The following SHROOM2 variants were observed in gnomAD, a reference collection of about 807,000 sequenced individuals.
The protein encoded by SHROOM2 is protein Shroom2.
A neutral mutation model predicts 75.9 loss-of-function variants in SHROOM2; 33 were observed. That is an observed-to-expected ratio of 0.43 (90% CI 0.33 to 0.58). SHROOM2 has a LOEUF of 0.58. Ranked by LOEUF, SHROOM2 falls within the 20% of genes least tolerant of loss-of-function variation. The pLI is 0.04. For synonymous variants in SHROOM2, 655 were observed against 663.6 expected, an observed-to-expected ratio of 0.99 and a Z score of 0.20; for missense variants, 1,434 against 1,461.2, an observed-to-expected ratio of 0.98 and a Z score of 0.30.
chrX:9,814,605 A>G (rs2083809049), intron 1 of SHROOM2, among the ~76,000 whole-genome samples: 1 of 111,271 alleles, frequency 9.0e-6, no homozygotes, highest in Non-Finnish European at 1.9e-5. Context: ...AGGGGAGGCC[A>G]TCACTGTTGC....
chrX:9,881,550 T>C (rs1412202746), intron 2 of SHROOM2, among the ~76,000 whole-genome samples: 3 of 112,299 alleles, frequency 2.7e-5, no homozygotes, highest in African/African-American at 9.7e-5. Flanking sequence ...TGCAGTGGTA[T>C]TTAATAGTTC....
intron 2 of SHROOM2, 107 bp from the exon 3 acceptor site, chrX:9,890,870 C>A: frequency 1.2e-6 from 1 of 822,683 alleles, no homozygotes; most frequent in Non-Finnish European, 1.7e-6. Context: ...CTGTTTGGCA[C>A]GAGCGTGTGC....
At chrX:9,871,322 G>A (rs769472018) in intron 1 of SHROOM2, among the ~76,000 whole-genome samples, 5 of 111,987 alleles carry the variant, frequency 4.5e-5, no homozygotes, top group African/African-American at 9.7e-5. Flanking sequence ...AACAGATAGC[G>A]CCCTTCATCT....
intron 5 of SHROOM2, among the ~76,000 whole-genome samples, chrX:9,927,106 T>TG (rs890092318): frequency 2.7e-5 from 3 of 110,567 alleles, no homozygotes; most frequent in African/African-American, 9.9e-5. Flanking sequence ...CCCAGCACTT[T>TG]GGGAGGCCAA....
In SHROOM2 at chrX:9,937,234, G is replaced by A. The variant is rs755981514; in HGVS notation, c.3688G>A (p.Ala1230Thr). 1 of 1,206,035 alleles carries A rather than the reference G, an allele frequency of 8.3e-7. No homozygotes were observed. The highest frequency in any genetic ancestry group is 1.7e-5 in the African/African-American group (1 of 57,432). ...AGAGAAGGAGAGCCGCCAGAGCCTG[G>A]CATGCCCCGCCGAGCCACCTGCCCT... is the stretch of plus-strand genomic sequence containing the variant. ...QPEKESRQSL[A>T]CPAEPPALPH... Residue 1230 changes from alanine (A) to threonine (T), a missense_variant, in exon 7 of 10, where the codon GCA (alanine) becomes ACA (threonine). Physicochemically the swap from Ala to Thr is moderately conservative, Grantham distance 58. Transcript: ENST00000380913.
intron 5 of SHROOM2, among the ~76,000 whole-genome samples, chrX:9,917,345 CT>C (rs900190850): frequency 8.9e-6 from 1 of 111,861 alleles, no homozygotes; most frequent in African/African-American, 3.3e-5. Flanking sequence ...CATTTTGATA[CT>C]CAAGTTGTGT....
At chrX:9,855,164 G>C (rs2084649142) in intron 1 of SHROOM2, among the ~76,000 whole-genome samples, 2 of 107,346 alleles carry the variant, frequency 1.9e-5, no homozygotes, top group Admixed American at 2.0e-4. Context: ...GTTGGGGGTA[G>C]AGGGATAACA....
Position 9,895,549 on chromosome X carries a change from G to A in SHROOM2, c.1641G>A (p.Ala547=), listed in dbSNP as rs754693285. 13 of 1,179,224 alleles carry A rather than the reference G, an allele frequency of 1.1e-5. No homozygotes were observed. The East Asian group carries it at 2.2e-4, about 20-fold the overall frequency. Residue 547 remains alanine (A), a synonymous_variant, in exon 4 of 10, where the codon GCG becomes GCA. Coordinates refer to ENST00000380913, the MANE Select transcript of SHROOM2 (RefSeq NM_001649.4). Reference sequence around the variant, plus strand: ...ACAAAGGGGCCGAGGGCTGCTCCGCGGGAGCCCAGGAGCCTCCCAGGGCCA... The same window carrying A: ...ACAAAGGGGCCGAGGGCTGCTCCGCAGGAGCCCAGGAGCCTCCCAGGGCCA... ...PLDKGAEGCS[A]GAQEPPRASR... is the part of the protein sequence containing the mutation.
At chrX:9,844,739 C>T (rs1164258701) in intron 1 of SHROOM2, among the ~76,000 whole-genome samples, 1 of 110,400 alleles carries the variant, frequency 9.1e-6, no homozygotes, top group Non-Finnish European at 1.9e-5. Flanking sequence ...GGCTTGAACC[C>T]GGGAGGCAAA....
At chrX:9,837,305 C>A (rs989804364) in intron 1 of SHROOM2, among the ~76,000 whole-genome samples, 1 of 112,603 alleles carries the variant, frequency 8.9e-6, no homozygotes, top group Non-Finnish European at 1.9e-5. Flanking sequence ...TAGGATTGTT[C>A]AAAAAATCTA....
intron 1 of SHROOM2, among the ~76,000 whole-genome samples, chrX:9,831,678 A>G (rs1333168722): frequency 9.0e-6 from 1 of 111,409 alleles, no homozygotes; most frequent in African/African-American, 3.3e-5. Context: ...CAAACAAACA[A>G]AAGCAACAGA....
intron 1 of SHROOM2, among the ~76,000 whole-genome samples, chrX:9,793,035 G>A (rs964255660): frequency 9.1e-6 from 1 of 110,308 alleles, no homozygotes; most frequent in African/African-American, 3.3e-5. Context: ...TCTTTTATGA[G>A]GTTTTATTTT....
At chrX:9,822,801 CAGGAGG>C (rs769950350) in intron 1 of SHROOM2, among the ~76,000 whole-genome samples, 2 of 111,241 alleles carry the variant, frequency 1.8e-5, no homozygotes, top group African/African-American at 6.5e-5. Context: ...TGCTTAGTGC[CAGGAGG>C]AGGAGGAGGA....
chrX:9,888,595 C>T (rs1033430485), intron 2 of SHROOM2, among the ~76,000 whole-genome samples: 2 of 111,124 alleles, frequency 1.8e-5, no homozygotes, highest in African/African-American at 3.3e-5. Context: ...AGATGCGCGC[C>T]ACCACGCCCG....
chrX:9,811,581 T>C (rs112176888), intron 1 of SHROOM2, among the ~76,000 whole-genome samples: 13 of 112,074 alleles, frequency 1.2e-4, no homozygotes, highest in African/African-American at 3.6e-4. Context: ...ATTCAGCCCA[T>C]GAATCAGTAT....
At chrX:9,932,904 G>A (rs764903821) in intron 6 of SHROOM2, 34 bp downstream of exon 6, 4 of 1,110,950 alleles carry the variant, frequency 3.6e-6, no homozygotes, top group Non-Finnish European at 4.8e-6. Context: ...CTCCCCATGA[G>A]GCTCCTAATG....
At chrX:9,875,895 A>G (rs747870308) in intron 2 of SHROOM2, among the ~76,000 whole-genome samples, 2 of 112,745 alleles carry the variant, frequency 1.8e-5, no homozygotes, top group Non-Finnish European at 3.7e-5. Flanking sequence ...CTAGAAGTAC[A>G]TATTTAGTGA....
chrX:9,934,719 G>GCA (rs2084682884), intron 6 of SHROOM2, among the ~76,000 whole-genome samples: 1 of 111,922 alleles, frequency 8.9e-6, no homozygotes, highest in Admixed American at 9.5e-5. Context: ...AAAATGATCA[G>GCA]GAATAGATGC....
At chrX:9,856,663 G>A (rs1036383935) in intron 1 of SHROOM2, among the ~76,000 whole-genome samples, 9 of 111,642 alleles carry the variant, frequency 8.1e-5, no homozygotes, top group African/African-American at 2.6e-4. Flanking sequence ...GGGATGCAGC[G>A]CCGGGGCACC....
Sources: gnomAD v4.1 joint callset for allele counts (sites outside exome capture counted in the v4.1 genomes callset) on GRCh38, gnomAD v4.1.1 for gene constraint, MANE v1.5 for transcripts, NCBI Gene and HGNC (gene_info 2026-07-23, HGNC 2026-07-21) for gene names.